LINGO2: variants seen among roughly 807,000 people sequenced by gnomAD.
The protein encoded by LINGO2 is leucine-rich repeat and immunoglobulin-like domain-containing nogo receptor-interacting protein 2.
Under a neutral mutation model 30.6 loss-of-function variants are expected in LINGO2, and 14 were observed. The observed-to-expected ratio is 0.46, with a 90% CI of 0.30 to 0.72. The LOEUF (loss-of-function observed/expected upper bound fraction) is 0.72, where lower values mean the gene tolerates loss of function less well. Ranked by LOEUF, LINGO2 falls within the 30% of genes least tolerant of loss-of-function variation. The probability of loss-of-function intolerance (pLI) is 0.07; values close to 1 mark genes in which losing one functional copy is unlikely to be tolerated. For missense variants in LINGO2, 729 were observed against 751.7 expected (o/e 0.97, Z 0.35); for synonymous variants, 317 against 288.5 (o/e 1.10, Z -1.00).
chr9:28,892,242 G>T, the LINGO2 span, among the ~76,000 whole-genome samples: 1 of 151,916 alleles, frequency 6.6e-6, no homozygotes, highest in Non-Finnish European at 1.5e-5. Flanking sequence ...GCTCTAAGAG[G>T]TCAAGTTCTC....
intron 4 of LINGO2, among the ~76,000 whole-genome samples, chr9:28,039,887 C>T (rs1470466957): frequency 6.6e-6 from 1 of 151,754 alleles, no homozygotes; most frequent in Non-Finnish European, 1.5e-5. Context: ...CTCTGACCCA[C>T]CCCCTTGTGA....
At chr9:28,688,840 A>G in the LINGO2 span, among the ~76,000 whole-genome samples, 1 of 152,082 alleles carries the variant, frequency 6.6e-6, no homozygotes, top group African/African-American at 2.4e-5. Flanking sequence ...TACTATACAG[A>G]TATCTGTGCA....
chr9:28,154,801 C>G (rs1828089501), intron 4 of LINGO2, among the ~76,000 whole-genome samples: 1 of 152,162 alleles, frequency 6.6e-6, no homozygotes, highest in African/African-American at 2.4e-5. Context: ...AATACAATGT[C>G]AGGTTAGAAT....
intron 5 of LINGO2, among the ~76,000 whole-genome samples, chr9:27,991,762 G>A (rs972939668): frequency 1.3e-5 from 2 of 152,068 alleles, no homozygotes. Context: ...ACAAAAGTGA[G>A]AAATATGCAT....
At chr9:27,953,069 T>C (rs927022433) in intron 5 of LINGO2, among the ~76,000 whole-genome samples, 1 of 152,128 alleles carries the variant, frequency 6.6e-6, no homozygotes, top group East Asian at 1.9e-4. Context: ...TAGCTATTAG[T>C]AAGCAAAAGA....
At chr9:29,092,562 T>C in the LINGO2 span, among the ~76,000 whole-genome samples, 960 of 138,358 alleles carry the variant, frequency 6.9e-3, 10 homozygotes, top group East Asian at 0.011. Flanking sequence ...ATAATTCATA[T>C]AGATTTAATG....
the LINGO2 span, among the ~76,000 whole-genome samples, chr9:29,007,535 AGGT>A: frequency 2.0e-5 from 3 of 152,084 alleles, no homozygotes; most frequent in Non-Finnish European, 4.4e-5. Flanking sequence ...CCTCATTTCC[AGGT>A]TATCTGTGCC....
At chr9:29,022,167 C>T in the LINGO2 span, among the ~76,000 whole-genome samples, 1 of 152,058 alleles carries the variant, frequency 6.6e-6, no homozygotes, top group African/African-American at 2.4e-5. Context: ...TTTTCTCCTT[C>T]TTAAAATGAA....
the LINGO2 span, among the ~76,000 whole-genome samples, chr9:29,150,878 C>A: frequency 6.6e-6 from 1 of 152,108 alleles, no homozygotes; most frequent in Non-Finnish European, 1.5e-5. Flanking sequence ...GAGAGGTTGA[C>A]ATGCACATTC....
At chr9:28,589,906 C>A (rs1824782985) in intron 1 of LINGO2, among the ~76,000 whole-genome samples, 1 of 152,146 alleles carries the variant, frequency 6.6e-6, no homozygotes. Flanking sequence ...TCAAAATATA[C>A]TACAAGGCTA....
the LINGO2 span, among the ~76,000 whole-genome samples, chr9:28,685,098 T>C: frequency 6.6e-6 from 1 of 152,190 alleles, no homozygotes; most frequent in African/African-American, 2.4e-5. Context: ...CCTGTTCCTG[T>C]ATTAGTTTGC....
chr9:28,403,055 C>T (rs1171660717), intron 2 of LINGO2, among the ~76,000 whole-genome samples: 1 of 152,178 alleles, frequency 6.6e-6, no homozygotes, highest in African/African-American at 2.4e-5. Context: ...AATGAGATAA[C>T]ACATGTGAAC....
intron 2 of LINGO2, among the ~76,000 whole-genome samples, chr9:28,436,540 C>T (rs1823939291): frequency 6.6e-6 from 1 of 151,954 alleles, no homozygotes; most frequent in South Asian, 2.1e-4. Context: ...TCACTGTAAG[C>T]TCCGCCTCCC....
the LINGO2 span, among the ~76,000 whole-genome samples, chr9:28,753,460 C>T: frequency 6.6e-6 from 1 of 151,984 alleles, no homozygotes; most frequent in Non-Finnish European, 1.5e-5. Context: ...CAGAGTTAGT[C>T]CTCAAAGAAA....
In LINGO2 at chr9:28,143,013, G is replaced by C. The variant is rs1281459291; in HGVS notation, c.-86-130608C>G. On this transcript the variant is annotated intron_variant, in intron 4 of 5. Transcript: ENST00000379992. The stretch of plus-strand genomic sequence containing the variant: ...GTAGATTTCAATCTGATCAATTGCA[G>C]ATGCATTGACAAAAATTAAATTTCT... Among the ~76,000 whole-genome samples, 4 of 152,232 alleles carry C rather than the reference G, an allele frequency of 2.6e-5. No individual in the cohort carries two copies. In the East Asian group the frequency reaches 7.7e-4, roughly 29 times the overall value.
At chr9:28,979,382 A>T in the LINGO2 span, among the ~76,000 whole-genome samples, 1 of 152,228 alleles carries the variant, frequency 6.6e-6, no homozygotes, top group Non-Finnish European at 1.5e-5. Flanking sequence ...GTAAAAAGGG[A>T]TATTTCCAAA....
chr9:29,187,780 A>ATTTTTTT, the LINGO2 span, among the ~76,000 whole-genome samples: 1 of 118,830 alleles, frequency 8.4e-6, no homozygotes, highest in Non-Finnish European at 1.7e-5. Context: ...ATACATTTCA[A>ATTTTTTT]TTTTTTTTTT....
rs76638504 is a variant in LINGO2 at position 28,530,025 on chromosome 9, G to T, written c.-364-54000C>A. Among the ~76,000 whole-genome samples, 872 of 152,112 alleles carry T rather than the reference G, an allele frequency of 5.7e-3. 8 individuals carry two copies. The highest frequency in any genetic ancestry group is 0.02 in the African/African-American group (820 of 41,506). ...CTTCATCGTGTTATGATTAAGGTTG[G>T]AAGTAGAAGTAGGAAGTGATTCTTG... On this transcript the variant is annotated intron_variant, in intron 1 of 5. Coordinates refer to ENST00000379992, the Ensembl canonical transcript of LINGO2.
intron 5 of LINGO2, among the ~76,000 whole-genome samples, chr9:27,959,459 A>G (rs1181121581): frequency 6.6e-6 from 1 of 152,078 alleles, no homozygotes; most frequent in Non-Finnish European, 1.5e-5. Flanking sequence ...ATAAAGTATC[A>G]TTCGGTCAAA....
Sources: gnomAD v4.1 joint callset for allele counts (sites outside exome capture counted in the v4.1 genomes callset) on GRCh38, gnomAD v4.1.1 for gene constraint, MANE v1.5 for transcripts, NCBI Gene and HGNC (gene_info 2026-07-23, HGNC 2026-07-21) for gene names.